Variants in SPINK5 observed in about 807,000 individuals in gnomAD.
The protein encoded by SPINK5 is serine peptidase inhibitor Kazal type 5, also known as serine protease inhibitor Kazal-type 5.
A neutral mutation model predicts 151.8 loss-of-function variants in SPINK5; 125 were observed. The ratio of observed to expected loss-of-function variants is 0.82; its 90% CI spans 0.71 to 0.96. SPINK5 has a LOEUF of 0.96. Among genes scored for constraint, SPINK5 ranks in the 40% least tolerant of loss-of-function variants. SPINK5 has a pLI of 0.00. For synonymous variants in SPINK5, 374 were observed against 395.3 expected (o/e 0.95, Z 0.64); for missense variants, 1,194 against 1,291.9 (o/e 0.92, Z 1.16).
At chr5:148,134,542 C>T (rs781471554) in intron 32 of SPINK5, among the ~76,000 whole-genome samples, 1 of 152,132 alleles carries the variant, frequency 6.6e-6, no homozygotes, top group Non-Finnish European at 1.5e-5. Flanking sequence ...CATAAATACT[C>T]TAAACCAAAT....
At chr5:148,123,521 G>GTGTGTGTATA (rs1328976077) in intron 26 of SPINK5, among the ~76,000 whole-genome samples, 1 of 25,016 alleles carries the variant, frequency 4.0e-5, no homozygotes, top group African/African-American at 8.0e-5. Flanking sequence ...CAATATATGT[G>GTGTGTGTATA]TATATATATA....
intron 18 of SPINK5, among the ~76,000 whole-genome samples, chr5:148,109,326 G>A (rs77386280): frequency 1.5e-4 from 23 of 151,966 alleles, no homozygotes; most frequent in South Asian, 6.2e-4. Flanking sequence ...TTGTACATTC[G>A]TTGCTACTGT....
At chr5:148,079,907 G>C (rs917985775) in intron 4 of SPINK5, among the ~76,000 whole-genome samples, 1 of 150,994 alleles carries the variant, frequency 6.6e-6, no homozygotes, top group Non-Finnish European at 1.5e-5. Context: ...TTCTTAGCCA[G>C]TATAAGGCAA....
At chr5:148,070,224 T>C in intron 2 of SPINK5, 99 bp from the exon 3 acceptor site, 6 of 1,399,070 alleles carry the variant, frequency 4.3e-6, no homozygotes, top group Non-Finnish European at 4.9e-6. Flanking sequence ...TGTGTGTGTA[T>C]ATATATGCAG....
intron 8 of SPINK5, among the ~76,000 whole-genome samples, chr5:148,091,806 A>T (rs1162655086): frequency 1.3e-5 from 2 of 151,522 alleles, no homozygotes; most frequent in African/African-American, 2.4e-5. Context: ...AATGTGTTTT[A>T]AAAAAATCCT....
intron 4 of SPINK5, among the ~76,000 whole-genome samples, chr5:148,075,167 A>G (rs888974307): frequency 4.0e-5 from 6 of 151,666 alleles, no homozygotes; most frequent in Non-Finnish European, 5.9e-5. Context: ...GTCTCTTCAT[A>G]TTAAAGGGAA....
Position 148,123,857 on chromosome 5 carries a change from A to T in SPINK5, c.2563A>T (p.Met855Leu). The change falls in exon 27 of 33, where the codon ATG becomes TTG. Residue 855 changes from methionine to leucine, a missense_variant. Physicochemically the swap from Met to Leu is conservative, Grantham distance 15 (BLOSUM62 2). Coordinates refer to ENST00000256084, the MANE Select transcript of SPINK5 (RefSeq NM_006846.4). ...KEDLCREFRSMQRNGKLICTR... is the reference protein window; with the variant it reads ...KEDLCREFRSLQRNGKLICTR... ...GGATCTGTGTCGTGAATTTCGAAGC[A>T]TGCAGAGAAATGGAAAGCTTATCTG... 6.2e-7 allele frequency: 1 copy of T among 1,614,038 alleles called. No individual in the cohort carries two copies. Among genetic ancestry groups the T allele is most frequent in the Non-Finnish European group, 8.5e-7 (1 of 1,179,990 alleles).
At chr5:148,131,454 A>G (rs1159712631) in intron 31 of SPINK5, 65 bp downstream of exon 31, 2 of 1,602,128 alleles carry the variant, frequency 1.2e-6, no homozygotes, top group Non-Finnish European at 1.7e-6. Flanking sequence ...GTGTTAACCC[A>G]TAGTAATGCA....
At chr5:148,065,292 T>G (rs895737369) in intron 1 of SPINK5, 55 bp from the exon 2 acceptor site, 39 of 1,579,150 alleles carry the variant, frequency 2.5e-5, no homozygotes, top group Middle Eastern at 1.7e-4. Flanking sequence ...TTATTTGTTT[T>G]GTTTATTAAA....
intron 6 of SPINK5, chr5:148,089,189 A>G (rs1230920775): frequency 2.0e-6 from 1 of 488,308 alleles, no homozygotes; most frequent in Non-Finnish European, 4.0e-6. Context: ...GCATCATGCA[A>G]TTTTAAATGT....
chr5:148,111,652 A>T (rs763445460), intron 18 of SPINK5, 116 bp from the exon 19 acceptor site: 2 of 1,500,298 alleles, frequency 1.3e-6, no homozygotes, highest in Non-Finnish European at 1.8e-6. Context: ...ATCAACCTTC[A>T]GCATCACCTT....
intron 4 of SPINK5, among the ~76,000 whole-genome samples, chr5:148,072,907 G>A (rs1438021086): frequency 6.7e-6 from 1 of 150,094 alleles, no homozygotes; most frequent in African/African-American, 2.4e-5. Flanking sequence ...AAGTAAGATA[G>A]AAGGAAGGAA....
At chr5:148,124,686 C>T (rs987111427) in intron 27 of SPINK5, 79 bp from the exon 28 acceptor site, 20 of 1,111,916 alleles carry the variant, frequency 1.8e-5, no homozygotes, top group Admixed American at 9.3e-5. Flanking sequence ...TGTTTAGAAT[C>T]GCAGAAATAC....
chr5:148,116,557 A>C, intron 22 of SPINK5, 91 bp downstream of exon 22: 1 of 1,282,084 alleles, frequency 7.8e-7, no homozygotes. Flanking sequence ...TGGTAAAGGC[A>C]GTGCTAAGTC....
At chr5:148,093,776 C>T (rs1326629346) in intron 8 of SPINK5, among the ~76,000 whole-genome samples, 2 of 151,642 alleles carry the variant, frequency 1.3e-5, no homozygotes, top group Non-Finnish European at 2.9e-5. Flanking sequence ...AGTTTTAATC[C>T]AAGAAAACTC....
Position 148,068,371 on chromosome 5 carries a change from T to G in SPINK5, c.82-1952T>G, listed in dbSNP as rs78422865. ...ACCATTTTTAAGAGGCTAGATTAAGTACATCATTATTCATCCAGGCAAGTA... is the reference window on the plus strand; with the variant it reads ...ACCATTTTTAAGAGGCTAGATTAAGGACATCATTATTCATCCAGGCAAGTA... On this transcript the variant is annotated intron_variant, in intron 2 of 32. Transcript: ENST00000256084. 2.0e-3 allele frequency among the ~76,000 whole-genome samples: 306 copies of G among 152,178 alleles called. 1 individual carries two copies. Among genetic ancestry groups the G allele is most frequent in the African/African-American group, 7.0e-3 (290 of 41,556 alleles).
intron 18 of SPINK5, among the ~76,000 whole-genome samples, chr5:148,111,418 C>T (rs574408655): frequency 2.6e-4 from 39 of 152,264 alleles, no homozygotes; most frequent in African/African-American, 9.1e-4. Context: ...AGCATATTCT[C>T]AGGTCTCAAG....
chr5:148,103,253 C>T (rs1462381548), intron 15 of SPINK5, among the ~76,000 whole-genome samples: 1 of 152,026 alleles, frequency 6.6e-6, no homozygotes, highest in East Asian at 1.9e-4. Context: ...TCACAACAAC[C>T]ATATGAAATA....
chr5:148,110,315 C>A (rs1753892094), intron 18 of SPINK5, among the ~76,000 whole-genome samples: 1 of 152,092 alleles, frequency 6.6e-6, no homozygotes, highest in Non-Finnish European at 1.5e-5. Context: ...GTGTTCCATA[C>A]TGGAGAGTTC....
Sources: allele counts gnomAD v4.1 joint callset (sites outside exome capture counted in the v4.1 genomes callset), GRCh38; gene constraint gnomAD v4.1.1; transcripts MANE v1.5; gene names NCBI Gene and HGNC (gene_info 2026-07-23, HGNC 2026-07-21).